CLDN10: variants seen among roughly 807,000 people sequenced by gnomAD.
CLDN10 encodes claudin-10.
In CLDN10, 15 loss-of-function variants were observed where a neutral mutation model predicts 22.9. The ratio of observed to expected loss-of-function variants is 0.65; its 90% CI spans 0.44 to 1.01. The LOEUF (loss-of-function observed/expected upper bound fraction) is 1.01, where lower values mean the gene tolerates loss of function less well. CLDN10 is among the 50% of genes least tolerant of loss of function. The pLI, the probability that CLDN10 is intolerant of heterozygous loss-of-function variation, is 0.00. For missense variants in CLDN10, 247 were observed against 287.8 expected, an observed-to-expected ratio of 0.86 and a Z score of 1.03; for synonymous variants, 114 against 111.4, an observed-to-expected ratio of 1.02 and a Z score of -0.15.
At chr13:95,524,372 A>G (rs976491695) in intron 1 of CLDN10, among the ~76,000 whole-genome samples, 1 of 152,214 alleles carries the variant, frequency 6.6e-6, no homozygotes, top group African/African-American at 2.4e-5. Context: ...GGCTTTTAGT[A>G]TATTACTATG....
In CLDN10 at chr13:95,441,635, C is replaced by G. The variant is rs575438471; in HGVS notation, c.214+7588C>G. Among the ~76,000 whole-genome samples the G allele has an allele frequency of 2.4e-4, 36 of 152,332 alleles. 1 individual carries two copies. The South Asian group carries it at 6.8e-3, about 29-fold the overall frequency. ...ATCCACCAGCCAGCAGCATCTATATCTCCTGGGAGCTTGCTTGAAATGCAG... is the reference window on the plus strand; with the variant it reads ...ATCCACCAGCCAGCAGCATCTATATGTCCTGGGAGCTTGCTTGAAATGCAG... On this transcript the variant is annotated intron_variant, in intron 1 of 4. Coordinates refer to the CLDN10 transcript ENST00000376873.
intron 3 of CLDN10, among the ~76,000 whole-genome samples, chr13:95,569,449 T>C (rs963181216): frequency 5.9e-5 from 9 of 152,062 alleles, no homozygotes; most frequent in Non-Finnish European, 1.3e-4. Context: ...CTGGGTGTGG[T>C]GGCAGGTGCT....
chr13:95,476,334 T>C (rs2042685873), intron 1 of CLDN10, among the ~76,000 whole-genome samples: 1 of 152,108 alleles, frequency 6.6e-6, no homozygotes, highest in Non-Finnish European at 1.5e-5. Flanking sequence ...AAGTCCAAGG[T>C]CAAGGTGCTG....
chr13:95,498,773 T>C lies in CLDN10; in HGVS notation c.215-61359T>C, dbSNP rs910812185. Among the ~76,000 whole-genome samples, 3 of 152,258 alleles carry C rather than the reference T, an allele frequency of 2.0e-5. No homozygotes were observed. In the South Asian group the frequency reaches 6.2e-4, roughly 32 times the overall value. ...ATAAACTTTACCACATTGACCATTTTTGAGTGTATAGCTCAATAGTGTTAA... is the reference window on the plus strand; with the variant it reads ...ATAAACTTTACCACATTGACCATTTCTGAGTGTATAGCTCAATAGTGTTAA... On this transcript the variant is annotated intron_variant, in intron 1 of 4. Coordinates refer to the CLDN10 transcript ENST00000376873.
At chr13:95,489,520 A>C (rs2042846593) in intron 1 of CLDN10, among the ~76,000 whole-genome samples, 1 of 151,890 alleles carries the variant, frequency 6.6e-6, no homozygotes, top group African/African-American at 2.4e-5. Flanking sequence ...CCATTTATAT[A>C]TCTTCTTTTG....
chr13:95,509,091 A>G (rs180787300), intron 1 of CLDN10, among the ~76,000 whole-genome samples: 22 of 152,166 alleles, frequency 1.4e-4, no homozygotes, highest in Non-Finnish European at 3.2e-4. Context: ...TCAAGGAAAA[A>G]GGGATGAGAA....
intron 1 of CLDN10, among the ~76,000 whole-genome samples, chr13:95,557,934 T>C (rs377003044): frequency 3.3e-5 from 5 of 152,336 alleles, no homozygotes; most frequent in African/African-American, 9.6e-5. Flanking sequence ...AATGACCAGA[T>C]TGTAGAATTT....
rs535949880 is a variant in CLDN10, at chr13:95,475,812, C to T, written c.214+41765C>T. On this transcript the variant is annotated intron_variant, in intron 1 of 4. Transcript: ENST00000376873. The stretch of plus-strand genomic sequence containing the variant: ...TCTCTCTCTCTCTCTCTGTCTCTCT[C>T]TGTCCCTCTCTCTCCCTCTTTCCCT... Among the ~76,000 whole-genome samples, 17 of 152,198 alleles carry T rather than the reference C, an allele frequency of 1.1e-4. No individual in the cohort carries two copies. In the South Asian group the frequency reaches 3.5e-3, roughly 32 times the overall value.
intron 1 of CLDN10, among the ~76,000 whole-genome samples, chr13:95,474,117 C>T (rs772162339): frequency 3.5e-4 from 53 of 152,110 alleles, no homozygotes; most frequent in Admixed American, 2.0e-4. Flanking sequence ...CTCACCATAA[C>T]GTAGAATCAG....
At chr13:95,471,453 ATTTT>A (rs1555289822) in intron 1 of CLDN10, among the ~76,000 whole-genome samples, 4 of 106,388 alleles carry the variant, frequency 3.8e-5, no homozygotes, top group African/African-American at 1.6e-4. Flanking sequence ...ATATATATAT[ATTTT>A]TTTTTTTTTT....
chr13:95,503,702 A>G (rs1230895885), intron 1 of CLDN10, among the ~76,000 whole-genome samples: 1 of 152,228 alleles, frequency 6.6e-6, no homozygotes, highest in Non-Finnish European at 1.5e-5. Context: ...GCATACATGA[A>G]TCTTAAGGAT....
At chr13:95,562,178 C>T (rs568936012) in intron 3 of CLDN10, among the ~76,000 whole-genome samples, 3 of 151,816 alleles carry the variant, frequency 2.0e-5, no homozygotes, top group South Asian at 2.1e-4. Context: ...GTGATCCACC[C>T]GCCTCAGCCT....
Position 95,472,085 on chromosome 13 carries a change from A to G in CLDN10, c.214+38038A>G, listed in dbSNP as rs561751901. On this transcript the variant is annotated intron_variant, in intron 1 of 4. Coordinates refer to the CLDN10 transcript ENST00000376873. ...AGGTGTCAGCCACTGTGCCCAGCCT[A>G]TGGATATATTCTTCAGTGCTGAAGA... 2.6e-5 allele frequency among the ~76,000 whole-genome samples: 4 copies of G among 151,746 alleles called. No individual in the cohort carries two copies. In the East Asian group the frequency reaches 5.8e-4, roughly 22 times the overall value.
chr13:95,453,653 C>T (rs1463298735), intron 1 of CLDN10, among the ~76,000 whole-genome samples: 2 of 151,318 alleles, frequency 1.3e-5, no homozygotes, highest in African/African-American at 4.9e-5. Flanking sequence ...CACTGCACTT[C>T]AGCCTGGGCA....
chr13:95,539,486 G>A (rs1466725224), intron 1 of CLDN10, among the ~76,000 whole-genome samples: 2 of 152,150 alleles, frequency 1.3e-5, no homozygotes, highest in South Asian at 2.1e-4. Context: ...TAACATTCAC[G>A]TTCTGAATTA....
At chr13:95,549,221 T>C (rs2043540343), upstream of CLDN10, among the ~76,000 whole-genome samples, 1 of 152,250 alleles carries the variant, frequency 6.6e-6, no homozygotes, top group Non-Finnish European at 1.5e-5. Context: ...AGATGTTACT[T>C]TGAATAATTT....
At chr13:95,571,243 T>C (rs1243854175) in intron 3 of CLDN10, among the ~76,000 whole-genome samples, 1 of 152,084 alleles carries the variant, frequency 6.6e-6, no homozygotes, top group East Asian at 1.9e-4. Flanking sequence ...AAAATCACAG[T>C]GCATGGAAGG....
intron 1 of CLDN10, among the ~76,000 whole-genome samples, chr13:95,493,051 C>T (rs1220542997): frequency 1.3e-5 from 2 of 152,126 alleles, no homozygotes; most frequent in South Asian, 2.1e-4. Context: ...AGGGGCAGTC[C>T]GCTTCCTTCA....
At chr13:95,559,983 C>T in intron 1 of CLDN10, 149 bp from the exon 2 acceptor site, 1 of 749,606 alleles carries the variant, frequency 1.3e-6, no homozygotes, top group Non-Finnish European at 2.2e-6. Flanking sequence ...GATTAACTTG[C>T]TTTCCTTTCT....
Sources: gnomAD v4.1 joint callset for allele counts (sites outside exome capture counted in the v4.1 genomes callset) on GRCh38, gnomAD v4.1.1 for gene constraint, MANE v1.5 for transcripts, NCBI Gene and HGNC (gene_info 2026-07-23, HGNC 2026-07-21) for gene names.